Variants in RGS6 observed in about 807,000 individuals in gnomAD.
RGS6 encodes the protein regulator of G protein signaling 6, also known as regulator of G-protein signaling 6.
Under a neutral mutation model 78.5 loss-of-function variants are expected in RGS6, and 30 were observed. That is an observed-to-expected ratio of 0.38 (90% CI 0.29 to 0.52). RGS6 has a LOEUF of 0.52. RGS6 is among the 20% of genes least tolerant of loss of function. RGS6 has a pLI of 0.85. For missense variants in RGS6, 495 were observed against 609.7 expected, an observed-to-expected ratio of 0.81 and a Z score of 1.98; for synonymous variants, 206 against 206.0, an observed-to-expected ratio of 1.00 and a Z score of 0.00.
chr14:72,603,189 AG>A, the RGS6 span, among the ~76,000 whole-genome samples: 11 of 152,336 alleles, frequency 7.2e-5, no homozygotes, highest in African/African-American at 2.6e-4. Context: ...TATTTCTTTA[AG>A]TGCATAGTGG....
chr14:71,964,902 G>T, intron 2 of RGS6, 27 bp downstream of exon 2: 7 of 1,581,278 alleles, frequency 4.4e-6, no homozygotes, highest in Non-Finnish European at 5.2e-6. Flanking sequence ...AGTGCCGTGC[G>T]TGCTGTCCGT....
At chr14:72,516,246 C>G (rs2096941270) in intron 14 of RGS6, among the ~76,000 whole-genome samples, 1 of 152,244 alleles carries the variant, frequency 6.6e-6, no homozygotes, top group Non-Finnish European at 1.5e-5. Flanking sequence ...GCCATTTTCA[C>G]TTGGCAAGCC....
At chr14:72,041,555 G>T (rs770822773) in intron 2 of RGS6, among the ~76,000 whole-genome samples, 4 of 152,208 alleles carry the variant, frequency 2.6e-5, no homozygotes, top group Non-Finnish European at 5.9e-5. Flanking sequence ...CACTGGATGT[G>T]CATTCACTCC....
At chr14:72,473,903 G>A (rs1292590269) in intron 9 of RGS6, 1 of 152,190 alleles carries the variant, frequency 6.6e-6, no homozygotes, top group Non-Finnish European at 1.5e-5. Context: ...AGAGAATGGT[G>A]AACAGCACTT....
chr14:71,882,211 G>T, the RGS6 span, among the ~76,000 whole-genome samples: 1,693 of 152,256 alleles, frequency 0.011, 23 homozygotes, highest in South Asian at 0.042. Flanking sequence ...GTCCTTTTGT[G>T]TCCGGCTTAT....
chr14:72,465,510 ACAGTGCTGGG>A (rs2153275146), intron 6 of RGS6, among the ~76,000 whole-genome samples: 2 of 79,708 alleles, frequency 2.5e-5, no homozygotes, highest in South Asian at 1.1e-3. Context: ...TTTTCCCAGG[ACAGTGCTGGG>A]CACATAGCAA....
intron 17 of RGS6, chr14:72,547,296 C>T: frequency 6.5e-7 from 1 of 1,535,654 alleles, no homozygotes; most frequent in Non-Finnish European, 8.7e-7. Context: ...CCCAACTCTG[C>T]CTGTGGTCCA....
intron 2 of RGS6, among the ~76,000 whole-genome samples, chr14:72,260,591 G>A (rs1048459139): frequency 7.2e-5 from 11 of 152,166 alleles, no homozygotes; most frequent in Admixed American, 2.6e-4. Context: ...TTGCCGTGGA[G>A]AGAAGAGATG....
At chr14:72,167,540 A>G (rs2096945032) in intron 2 of RGS6, among the ~76,000 whole-genome samples, 1 of 152,214 alleles carries the variant, frequency 6.6e-6, no homozygotes, top group Non-Finnish European at 1.5e-5. Context: ...TGAACATTTA[A>G]TATTAATGTA....
intron 2 of RGS6, among the ~76,000 whole-genome samples, chr14:72,180,259 T>C (rs1032564423): frequency 2.6e-5 from 4 of 152,214 alleles, no homozygotes; most frequent in African/African-American, 9.7e-5. Context: ...ACAGTTGTAT[T>C]CCCAAGCAAA....
intron 2 of RGS6, among the ~76,000 whole-genome samples, chr14:72,092,487 T>C (rs893521508): frequency 1.3e-5 from 2 of 152,074 alleles, no homozygotes; most frequent in Non-Finnish European, 2.9e-5. Context: ...GTTCAAGTGA[T>C]GCTCATGCCT....
chr14:71,902,079 A>AAAG, the RGS6 span, among the ~76,000 whole-genome samples: 2 of 150,954 alleles, frequency 1.3e-5, no homozygotes, highest in Non-Finnish European at 2.9e-5. Flanking sequence ...TGAGGAGAAA[A>AAAG]AACCTGGAGA....
chr14:72,453,412 G>A (rs1235042800), intron 3 of RGS6, among the ~76,000 whole-genome samples: 4 of 151,232 alleles, frequency 2.6e-5, no homozygotes, highest in Admixed American at 6.6e-5. Flanking sequence ...TCAGGAGATC[G>A]AGACCATCCC....
intron 2 of RGS6, among the ~76,000 whole-genome samples, chr14:72,040,525 T>C (rs1483821670): frequency 6.6e-6 from 1 of 151,974 alleles, no homozygotes; most frequent in Non-Finnish European, 1.5e-5. Context: ...ACTTTTCTCT[T>C]GCTGTTTTTC....
chr14:71,977,186 C>T (rs988027248), intron 2 of RGS6, among the ~76,000 whole-genome samples: 44 of 100,348 alleles, frequency 4.4e-4, no homozygotes, highest in African/African-American at 1.4e-3. Context: ...GAGTAGGTTG[C>T]GAAAATTTTC....
chr14:72,588,994 G>T, the RGS6 span, among the ~76,000 whole-genome samples: 1 of 152,152 alleles, frequency 6.6e-6, no homozygotes, highest in African/African-American at 2.4e-5. Flanking sequence ...CAGCTCCTTC[G>T]AAGAGTTGGG....
chr14:72,346,732 C>T (rs1295716987), intron 2 of RGS6, among the ~76,000 whole-genome samples: 1 of 152,224 alleles, frequency 6.6e-6, no homozygotes, highest in Non-Finnish European at 1.5e-5. Flanking sequence ...CAGGTCAACA[C>T]AGCATGTCAG....
At chr14:72,389,534 C>T (rs1449132110) in intron 3 of RGS6, among the ~76,000 whole-genome samples, 3 of 152,144 alleles carry the variant, frequency 2.0e-5, no homozygotes, top group Non-Finnish European at 4.4e-5. Context: ...GGAAACCTTA[C>T]AGAGGCCCCG....
chr14:72,412,081 T>G (rs1356239367), intron 3 of RGS6, among the ~76,000 whole-genome samples: 1 of 152,224 alleles, frequency 6.6e-6, no homozygotes, highest in African/African-American at 2.4e-5. Context: ...GCTGGCCTCA[T>G]AAAATGAGTT....
Sources: allele counts gnomAD v4.1 joint callset (sites outside exome capture counted in the v4.1 genomes callset), GRCh38; gene constraint gnomAD v4.1.1; transcripts MANE v1.5; gene names NCBI Gene and HGNC (gene_info 2026-07-23, HGNC 2026-07-21).